The following ADAMTS6 variants were observed in gnomAD, a reference collection of about 807,000 sequenced individuals.
ADAMTS6 encodes A disintegrin and metalloproteinase with thrombospondin motifs 6.
ADAMTS6 carries 23 observed loss-of-function variants against 144.3 expected under a neutral mutation model. The ratio of observed to expected loss-of-function variants is 0.16; its 90% confidence interval spans 0.11 to 0.23. The LOEUF (loss-of-function observed/expected upper bound fraction) is 0.23. Ranked by LOEUF, ADAMTS6 falls within the 10% of genes least tolerant of loss-of-function variation. ADAMTS6 has a pLI of 1.00. For synonymous variants in ADAMTS6, 444 were observed against 457.5 expected, an observed-to-expected ratio of 0.97 and a Z score of 0.38; for missense variants, 999 against 1,379.6, an observed-to-expected ratio of 0.72 and a Z score of 4.37.
Position 65,214,657 on chromosome 5 carries a change from T to G in ADAMTS6, c.2575+137A>C. ...TATAATATAATTAAAGCAAAGTTTC[T>G]TTTGCTAAATTACAGCTTGAAGCAA... is the stretch of plus-strand genomic sequence containing the variant. On this transcript the variant is annotated intron_variant, in intron 20 of 24. Transcript: ENST00000381055. The surrounding 1 kb of genome is among the most constrained non-coding windows in gnomAD (Gnocchi z 4.6). 8.0e-7 allele frequency: 1 copy of G among 1,255,564 alleles called. No homozygotes were observed. Among genetic ancestry groups the G allele is most frequent in the Non-Finnish European group, 1.1e-6 (1 of 884,270 alleles). The allele number at this position is 1,255,564 out of a possible 1,614,324, so 77.8% of individuals were successfully genotyped here.
intron 20 of ADAMTS6, among the ~76,000 whole-genome samples, chr5:65,208,875 G>A (rs1756299804): frequency 6.6e-6 from 1 of 152,126 alleles, no homozygotes; most frequent in Admixed American, 6.5e-5. Flanking sequence ...CTACCCCAGA[G>A]CCCCGAAGTA....
At chr5:65,479,794 G>C (rs1163229413) in intron 1 of ADAMTS6, among the ~76,000 whole-genome samples, 1 of 152,186 alleles carries the variant, frequency 6.6e-6, no homozygotes, top group Non-Finnish European at 1.5e-5. Context: ...GACATAAGGA[G>C]TATTACAGTA....
chr5:65,476,533 G>A (rs988536031), intron 1 of ADAMTS6, among the ~76,000 whole-genome samples: 3 of 152,100 alleles, frequency 2.0e-5, no homozygotes, highest in African/African-American at 7.2e-5. Context: ...TAAATTCTTT[G>A]TATTATATCA....
At chr5:65,404,360 G>C (rs1754231957) in intron 7 of ADAMTS6, among the ~76,000 whole-genome samples, 1 of 151,936 alleles carries the variant, frequency 6.6e-6, no homozygotes, top group South Asian at 2.1e-4. Flanking sequence ...GTGTTCTCAT[G>C]GTTCAATTGC....
intron 14 of ADAMTS6, chr5:65,256,450 G>A (rs1173980394): frequency 6.6e-6 from 1 of 152,274 alleles, no homozygotes; most frequent in African/African-American, 2.4e-5. Context: ...TATGACAGCA[G>A]AATTGCCTCA....
intron 7 of ADAMTS6, among the ~76,000 whole-genome samples, chr5:65,444,513 A>G (rs1030033553): frequency 2.0e-5 from 3 of 152,216 alleles, no homozygotes; most frequent in African/African-American, 7.2e-5. Context: ...CATGGACAAT[A>G]ACATCAAAAA....
chr5:65,481,243 A>G (rs1400921455), intron 1 of ADAMTS6, 100 bp downstream of exon 1: 1 of 150,814 alleles, frequency 6.6e-6, no homozygotes, highest in Non-Finnish European at 1.5e-5. Flanking sequence ...ACACACACAC[A>G]GAAAAAAAGT....
In ADAMTS6 at chr5:65,188,208, C is replaced by A. The variant is rs1217760151; in HGVS notation, c.2718G>T (p.Gly906=). The part of the protein sequence containing the change: ...TEPCPPEWFI[G]DWLECSKTCD... The stretch of plus-strand genomic sequence containing the variant: ...AAGTCTTGCTGCATTCCAACCAATC[C>A]CCAATGAACCACCTGCAGCAAGACA... Residue 906 remains glycine (G), a synonymous_variant, in exon 22 of 25, where the codon GGG becomes GGT. Transcript: ENST00000381055. 9.9e-6 allele frequency: 16 copies of A among 1,613,800 alleles called. No individual in the cohort carries two copies. Among genetic ancestry groups the A allele is most frequent in the Non-Finnish European group, 1.4e-5 (16 of 1,179,980 alleles).
At chr5:65,220,932 A>G (rs946684298) in intron 18 of ADAMTS6, among the ~76,000 whole-genome samples, 2 of 152,360 alleles carry the variant, frequency 1.3e-5, no homozygotes, top group East Asian at 3.9e-4. Context: ...CAGATCCTAC[A>G]GATATTAAAA....
chr5:65,160,494 T>G lies in ADAMTS6; in HGVS notation c.3245-8549A>C, dbSNP rs112679020. On this transcript the variant is annotated intron_variant, in intron 24 of 24. Transcript: ENST00000381055. ...GCTAATTTTTTGTTTTTAGTAGAGA[T>G]GGGGTTTCACCATGTTAGGCAGGAT... 3.9e-4 allele frequency among the ~76,000 whole-genome samples: 59 copies of G among 151,200 alleles called. 2 individuals carry two copies. The highest frequency in any genetic ancestry group is 3.9e-3 in the Admixed American group (59 of 15,172).
intron 7 of ADAMTS6, among the ~76,000 whole-genome samples, chr5:65,370,450 T>C (rs1041925464): frequency 2.0e-5 from 3 of 152,056 alleles, no homozygotes; most frequent in Admixed American, 6.5e-5. Context: ...GGGAGAGGCA[T>C]TGCCTCACCT....
intron 20 of ADAMTS6, among the ~76,000 whole-genome samples, chr5:65,207,921 T>C (rs868458680): frequency 1.3e-5 from 2 of 152,248 alleles, no homozygotes; most frequent in Middle Eastern, 3.2e-3. Context: ...CAGTCAGTTT[T>C]AAAAGCATTT....
At chr5:65,317,728 C>T (rs1580376185) in intron 9 of ADAMTS6, among the ~76,000 whole-genome samples, 1 of 152,040 alleles carries the variant, frequency 6.6e-6, no homozygotes, top group Non-Finnish European at 1.5e-5. Flanking sequence ...AGTCTAATAA[C>T]TGGATTAAAA....
intron 5 of ADAMTS6, among the ~76,000 whole-genome samples, chr5:65,452,428 C>A (rs1196257730): frequency 6.9e-6 from 1 of 145,148 alleles, no homozygotes. Context: ...TGAACTACAG[C>A]ATGGAAATTA....
At chr5:65,229,287 A>AG (rs1401721226) in intron 15 of ADAMTS6, among the ~76,000 whole-genome samples, 2 of 152,212 alleles carry the variant, frequency 1.3e-5, no homozygotes, top group African/African-American at 4.8e-5. Flanking sequence ...AGAGAGCCTC[A>AG]GAATCTTTAA....
intron 7 of ADAMTS6, among the ~76,000 whole-genome samples, chr5:65,383,213 A>G (rs1259521209): frequency 1.3e-5 from 2 of 152,168 alleles, no homozygotes; most frequent in South Asian, 2.1e-4. Flanking sequence ...TCTCACATAC[A>G]AAATGCATAC....
intron 8 of ADAMTS6, among the ~76,000 whole-genome samples, chr5:65,330,086 G>A (rs1472723580): frequency 6.6e-6 from 1 of 151,928 alleles, no homozygotes; most frequent in Non-Finnish European, 1.5e-5. Flanking sequence ...TTTAATAGGA[G>A]GAAAGTCATT....
intron 22 of ADAMTS6, among the ~76,000 whole-genome samples, chr5:65,180,122 C>T (rs1456715417): frequency 6.6e-6 from 1 of 152,134 alleles, no homozygotes; most frequent in Non-Finnish European, 1.5e-5. Context: ...TAGGTGAACA[C>T]CGTGCACATG....
chr5:65,201,171 T>A (rs1049587449), intron 20 of ADAMTS6, among the ~76,000 whole-genome samples: 1 of 152,162 alleles, frequency 6.6e-6, no homozygotes, highest in South Asian at 2.1e-4. Flanking sequence ...GAGTCCTGGA[T>A]GGAAACCATC....
Sources: gnomAD v4.1 joint callset for allele counts (sites outside exome capture counted in the v4.1 genomes callset) on GRCh38, gnomAD v4.1.1 for gene constraint, Gnocchi (gnomAD v3.1) non-coding constraint, MANE v1.5 for transcripts, NCBI Gene and HGNC (gene_info 2026-07-23, HGNC 2026-07-21) for gene names.